The following DLG1 variants were observed in gnomAD, a reference collection of about 807,000 sequenced individuals.
DLG1 encodes the protein disks large homolog 1.
A neutral mutation model predicts 123.4 loss-of-function variants in DLG1; 42 were observed. That is an observed-to-expected ratio of 0.34 (90% CI 0.27 to 0.44). The LOEUF is 0.44. Ranked by LOEUF, DLG1 falls within the 20% of genes least tolerant of loss-of-function variation. DLG1 has a pLI of 1.00. For synonymous variants in DLG1, 317 were observed against 356.2 expected (o/e 0.89, Z 1.24); for missense variants, 942 against 1,082.6 (o/e 0.87, Z 1.82).
intron 14 of DLG1, among the ~76,000 whole-genome samples, chr3:197,091,715 AG>A (rs1418881036): frequency 2.6e-5 from 4 of 152,112 alleles, no homozygotes; most frequent in African/African-American, 9.6e-5. Flanking sequence ...TAATGACAAA[AG>A]TTTAAGCACC....
chr3:197,200,455 G>A (rs922693487), intron 4 of DLG1, among the ~76,000 whole-genome samples: 1 of 152,052 alleles, frequency 6.6e-6, no homozygotes, highest in Non-Finnish European at 1.5e-5. Context: ...AAACAGATGA[G>A]GATTAACATG....
chr3:197,045,637 A>T (rs1379972138), intron 24 of DLG1, among the ~76,000 whole-genome samples: 1 of 151,690 alleles, frequency 6.6e-6, no homozygotes, highest in Admixed American at 6.6e-5. Context: ...GCTACTTGGG[A>T]GGCTGAGACA....
At chr3:197,199,507 G>A (rs1179942122) in intron 4 of DLG1, among the ~76,000 whole-genome samples, 1 of 152,046 alleles carries the variant, frequency 6.6e-6, no homozygotes, top group Admixed American at 6.6e-5. Flanking sequence ...ATCTCATTAT[G>A]TATATGCAAA....
At chr3:197,090,058 G>C (rs896961342) in intron 15 of DLG1, among the ~76,000 whole-genome samples, 1 of 152,126 alleles carries the variant, frequency 6.6e-6, no homozygotes, top group Non-Finnish European at 1.5e-5. Context: ...AGATACACGT[G>C]TATAGGATAC....
chr3:197,184,571 A>C (rs1214047418), intron 5 of DLG1, among the ~76,000 whole-genome samples: 3 of 152,208 alleles, frequency 2.0e-5, no homozygotes, highest in Non-Finnish European at 1.5e-5. Context: ...ATTGGTTTTT[A>C]ATGATTAACA....
chr3:197,249,596 CACGGATAAA>C (rs1253466257), intron 4 of DLG1, among the ~76,000 whole-genome samples: 1 of 151,920 alleles, frequency 6.6e-6, no homozygotes, highest in Non-Finnish European at 1.5e-5. Context: ...CAAAACCAGA[CACGGATAAA>C]ACAAAAAAAG....
At position 197,072,680 on chromosome 3, in the gene DLG1, T is replaced by TA. The variant is rs200686303; in HGVS notation, c.2006-3421dup. On this transcript the variant is annotated intron_variant, in intron 18 of 24. Coordinates refer to ENST00000667157, the MANE Select transcript of DLG1 (RefSeq NM_001366207.1). ...TTTTTATTTTTGTTTATGATTGTCT[T>TA]AAAAAAAAAAAAAACAAAAAAACAA... 4.4e-3 allele frequency among the ~76,000 whole-genome samples: 600 copies of TA among 136,506 alleles called. 1 individual carries two copies. The highest frequency in any genetic ancestry group is 6.8e-3 in the East Asian group (32 of 4,694). The allele number at this position is 136,506 out of a possible 152,430, so 89.6% of individuals were successfully genotyped here. A position where few individuals can be genotyped will look rare whatever the true frequency, so the allele number is the denominator to read the frequency against.
At chr3:197,108,009 GTTC>G (rs892346890) in intron 13 of DLG1, among the ~76,000 whole-genome samples, 3 of 151,964 alleles carry the variant, frequency 2.0e-5, no homozygotes, top group Admixed American at 6.5e-5. Flanking sequence ...TCTATTTAGT[GTTC>G]TTATCATGAA....
intron 4 of DLG1, among the ~76,000 whole-genome samples, chr3:197,251,855 A>T (rs1050901164): frequency 6.6e-6 from 1 of 152,226 alleles, no homozygotes; most frequent in Non-Finnish European, 1.5e-5. Context: ...AAATGGGCAC[A>T]TTTAAAATGG....
At chr3:197,075,783 G>T (rs1746843277) in intron 18 of DLG1, 3 of 1,485,876 alleles carry the variant, frequency 2.0e-6, no homozygotes, top group South Asian at 1.1e-5. Flanking sequence ...TCTGAATAAG[G>T]TAGGTCTGCA....
chr3:197,148,348 T>C (rs373416353), intron 6 of DLG1, among the ~76,000 whole-genome samples: 1 of 143,988 alleles, frequency 6.9e-6, no homozygotes, highest in African/African-American at 2.6e-5. Context: ...GAGGTGGAGG[T>C]TGCAGTGAGC....
intron 16 of DLG1, among the ~76,000 whole-genome samples, chr3:197,084,768 A>T (rs566148177): frequency 5.3e-5 from 8 of 151,520 alleles, no homozygotes; most frequent in Admixed American, 5.3e-4. Context: ...TGTATATTTT[A>T]TATATATAGA....
At position 197,065,139 on chromosome 3, in the gene DLG1, G is replaced by A. The variant is rs1560423508; in HGVS notation, c.2373+137C>T. On this transcript the variant is annotated intron_variant, in intron 22 of 24. Transcript: ENST00000667157. The stretch of plus-strand genomic sequence containing the variant: ...TCTTGTATGCACTTTCCTAAGCCAT[G>A]GAAAATTAATTATTTAGGTAAGCAA... 1.2e-5 allele frequency: 9 copies of A among 755,360 alleles called. No homozygotes were observed. The East Asian group carries it at 2.4e-4, about 20-fold the overall frequency. The allele number at this position is 755,360 out of a possible 1,614,324, so 46.8% of individuals were successfully genotyped here. A position where few individuals can be genotyped will look rare whatever the true frequency, so the allele number is the denominator to read the frequency against.
chr3:197,290,597 G>T (rs1030886841), intron 3 of DLG1, among the ~76,000 whole-genome samples: 1 of 152,068 alleles, frequency 6.6e-6, no homozygotes. Flanking sequence ...AACCCAAAAT[G>T]AGAAAATTAT....
At chr3:197,152,548 G>A (rs887670161) in intron 5 of DLG1, among the ~76,000 whole-genome samples, 1 of 150,958 alleles carries the variant, frequency 6.6e-6, no homozygotes, top group Non-Finnish European at 1.5e-5. Context: ...AGGCCAAGGC[G>A]GGTGGATCAC....
chr3:197,283,102 A>T (rs931447101), intron 3 of DLG1, among the ~76,000 whole-genome samples: 1 of 152,200 alleles, frequency 6.6e-6, no homozygotes, highest in African/African-American at 2.4e-5. Context: ...CAACTCCATC[A>T]CCAACTAGCT....
rs1237177263 is a variant in DLG1, at chr3:197,142,707, A to C, written c.588+11T>G. 1 of 1,591,416 alleles carries C rather than the reference A, an allele frequency of 6.3e-7. No homozygotes were observed. The highest frequency in any genetic ancestry group is 8.6e-7 in the Non-Finnish European group (1 of 1,165,828). On this transcript the variant is annotated intron_variant, in intron 7 of 24. Transcript: ENST00000667157. ...TTCTCTAGAACAACAGATTAAGATAATAGTTTTTACCCTTTCAAGTGTGAT... is the reference window on the plus strand; with the variant it reads ...TTCTCTAGAACAACAGATTAAGATACTAGTTTTTACCCTTTCAAGTGTGAT...
chr3:197,184,842 G>C (rs1156890066), intron 5 of DLG1, among the ~76,000 whole-genome samples: 3 of 152,110 alleles, frequency 2.0e-5, no homozygotes, highest in Non-Finnish European at 2.9e-5. Context: ...GATTGCTAAA[G>C]GAACATATTC....
chr3:197,191,133 A>G (rs1157626957), intron 5 of DLG1, among the ~76,000 whole-genome samples: 3 of 152,218 alleles, frequency 2.0e-5, no homozygotes, highest in Non-Finnish European at 4.4e-5. Flanking sequence ...TGGCTTATTA[A>G]TCAGCAAAAT....
Sources: allele counts gnomAD v4.1 joint callset (sites outside exome capture counted in the v4.1 genomes callset), GRCh38; gene constraint gnomAD v4.1.1; transcripts MANE v1.5; gene names NCBI Gene and HGNC (gene_info 2026-07-23, HGNC 2026-07-21).